NFIX: variants seen among roughly 807,000 people sequenced by gnomAD.
NFIX encodes nuclear factor I X.
Under a neutral mutation model 53.3 loss-of-function variants are expected in NFIX, and 2 were observed. That is an observed-to-expected ratio of 0.04 (90% CI 0.02 to 0.12). NFIX has a LOEUF of 0.12. NFIX is among the 10% of genes least tolerant of loss of function. The pLI is 1.00. For synonymous variants in NFIX, 244 were observed against 289.0 expected (o/e 0.84, Z 1.58); for missense variants, 310 against 674.5 (o/e 0.46, Z 5.99).
rs1313639121 is a variant in NFIX, at chr19:13,095,716, C to G, written c.*1067C>G. 1 of 152,394 alleles carries G rather than the reference C, an allele frequency of 6.6e-6. No individual in the cohort carries two copies. The highest frequency in any genetic ancestry group is 1.5e-5 in the Non-Finnish European group (1 of 68,078). 9.4% of individuals were successfully genotyped at this position (152,394 alleles called of 1,614,324 possible). On this transcript the variant is annotated 3_prime_UTR_variant, in exon 11 of 11. Coordinates refer to ENST00000592199, the MANE Select transcript of NFIX (RefSeq NM_001365902.3). Reference sequence around the variant, plus strand: ...CAGCCGCCGCTGCCGCGCTAAGCCACCACCTGCGCTTAGGTAGGCGTCCTG... The same window carrying G: ...CAGCCGCCGCTGCCGCGCTAAGCCAGCACCTGCGCTTAGGTAGGCGTCCTG...
chr19:13,055,768 C>T (rs762318340), intron 2 of NFIX, among the ~76,000 whole-genome samples: 3 of 152,192 alleles, frequency 2.0e-5, no homozygotes, highest in African/African-American at 7.2e-5. Flanking sequence ...CCAGCCTCTC[C>T]TCTGGGTCCT....
intron 2 of NFIX, among the ~76,000 whole-genome samples, chr19:13,061,310 C>T (rs2016072973): frequency 6.6e-6 from 1 of 152,230 alleles, no homozygotes. Context: ...AAACTCGGCC[C>T]TCATATCACG....
In NFIX at chr19:13,025,747, A is replaced by G. The variant is rs944486612; in HGVS notation, c.559+195A>G. ...TCTTCTGTCTCCCCCGACCTGTTCT[A>G]TTCTTCCTCCTCTGCCCCCTGGCCA... On this transcript the variant is annotated intron_variant, in intron 2 of 10. Coordinates refer to ENST00000592199, the MANE Select transcript of NFIX (RefSeq NM_001365902.3). This position sits in a 1 kb window ranked among gnomAD's most constrained non-coding sequence, Gnocchi z 7.5. Among the ~76,000 whole-genome samples the G allele has an allele frequency of 6.6e-6, 1 of 151,754 alleles. No individual in the cohort carries two copies. The highest frequency in any genetic ancestry group is 1.5e-5 in the Non-Finnish European group (1 of 67,968).
intron 8 of NFIX, 67 bp from the exon 9 acceptor site, chr19:13,087,922 C>A: frequency 6.6e-7 from 1 of 1,524,954 alleles, no homozygotes; most frequent in Non-Finnish European, 8.8e-7. Context: ...CTGGCGCGGC[C>A]GCGCAGGGGA....
rs987722848 is a variant in NFIX at position 13,088,725 on chromosome 19, C to G, written c.1402+589C>G. On this transcript the variant is annotated intron_variant, in intron 9 of 10. Coordinates refer to ENST00000592199, the MANE Select transcript of NFIX (RefSeq NM_001365902.3). This position sits in a 1 kb window ranked among gnomAD's most constrained non-coding sequence, Gnocchi z 5.9. ...CGTTGTTCCTCTTTTTTTTTCCCCCCCTTCCATCCCTCTCCCGTCCCTTCT... is the reference window on the plus strand; with the variant it reads ...CGTTGTTCCTCTTTTTTTTTCCCCCGCTTCCATCCCTCTCCCGTCCCTTCT... Among the ~76,000 whole-genome samples the G allele has an allele frequency of 1.1e-4, 16 of 151,942 alleles. No homozygotes were observed. The highest frequency in any genetic ancestry group is 1.3e-4 in the Non-Finnish European group (9 of 67,972).
chr19:13,023,066 CTCTT>C (rs1477692490), intron 1 of NFIX, among the ~76,000 whole-genome samples: 3 of 112,328 alleles, frequency 2.7e-5, no homozygotes, highest in Non-Finnish European at 5.7e-5. Flanking sequence ...ATCCTTCTCT[CTCTT>C]TCTCTCTCTC....
chr19:13,069,750 T>C (rs2016658310), intron 2 of NFIX: 1 of 152,340 alleles, frequency 6.6e-6, no homozygotes, highest in Non-Finnish European at 1.5e-5. Flanking sequence ...GTGGGCAGTG[T>C]GCGGGGCCTG....
intron 5 of NFIX, among the ~76,000 whole-genome samples, chr19:13,074,858 A>G (rs532763029): frequency 1.3e-5 from 2 of 152,022 alleles, no homozygotes; most frequent in East Asian, 3.9e-4. Context: ...TCACGAGGTC[A>G]GGAGATTGAG....
At chr19:13,007,730 G>A (rs1473946779) in intron 1 of NFIX, among the ~76,000 whole-genome samples, 2 of 109,938 alleles carry the variant, frequency 1.8e-5, no homozygotes, top group Admixed American at 1.2e-4. Context: ...CCCGCTGCCC[G>A]CGCCTCTCTC....
intron 2 of NFIX, among the ~76,000 whole-genome samples, chr19:13,058,826 G>T (rs182677492): frequency 7.6e-4 from 116 of 152,218 alleles, no homozygotes; most frequent in African/African-American, 2.7e-3. Context: ...GGCCAGACAG[G>T]CAAGGTGGGG....
In NFIX at chr19:13,066,333, A is replaced by G. The variant is rs1451161471; in HGVS notation, c.560-6714A>G. On this transcript the variant is annotated intron_variant, in intron 2 of 10. Transcript: ENST00000592199. This position sits in a 1 kb window ranked among gnomAD's most constrained non-coding sequence, Gnocchi z 4.2. ...TCCAGATGCTGGCCCTTCATCTGCCAGGTTCCTGTGCCTTCCCTACCCCCC... is the reference window on the plus strand; with the variant it reads ...TCCAGATGCTGGCCCTTCATCTGCCGGGTTCCTGTGCCTTCCCTACCCCCC... Among the ~76,000 whole-genome samples, 1 of 152,106 alleles carries G rather than the reference A, an allele frequency of 6.6e-6. No individual in the cohort carries two copies. Among genetic ancestry groups the G allele is most frequent in the African/African-American group, 2.4e-5 (1 of 41,390 alleles).
At chr19:13,083,706 G>T (rs1031883186) in intron 8 of NFIX, among the ~76,000 whole-genome samples, 4 of 142,138 alleles carry the variant, frequency 2.8e-5, no homozygotes, top group African/African-American at 7.9e-5. Flanking sequence ...GAGTTTCCTT[G>T]TGTGGCCTGT....
rs776779422 is a variant in NFIX at position 13,078,209 on chromosome 19, C to T, written c.956-404C>T. ...TAGACCCCAGCCTGTCCCTCCCAAA[C>T]TTACCCCTTCCCGGCTCTCAAGCTG... On this transcript the variant is annotated intron_variant, in intron 6 of 10. Transcript: ENST00000592199. This position sits in a 1 kb window ranked among gnomAD's most constrained non-coding sequence, Gnocchi z 4.7. Among the ~76,000 whole-genome samples the T allele has an allele frequency of 1.3e-5, 2 of 152,212 alleles. No homozygotes were observed. Among genetic ancestry groups the T allele is most frequent in the African/African-American group, 2.4e-5 (1 of 41,464 alleles).
rs888753771 is a variant in NFIX, at chr19:13,094,820, G to A, written c.*171G>A. The A allele has an allele frequency of 5.9e-6, 4 of 675,512 alleles. No individual in the cohort carries two copies. In the Admixed American group the frequency reaches 1.1e-4, roughly 18 times the overall value. 41.8% of individuals were successfully genotyped at this position (675,512 alleles called of 1,614,324 possible). On this transcript the variant is annotated 3_prime_UTR_variant, in exon 11 of 11. Coordinates refer to ENST00000592199, the MANE Select transcript of NFIX (RefSeq NM_001365902.3). This position sits in a 1 kb window ranked among gnomAD's most constrained non-coding sequence, Gnocchi z 4.3. ...TCTCCTCCAGCCCGGGGACCCCCGC[G>A]GGCCCCAGAAGCAGCCCAGTTCTCA...
chr19:13,024,554 C>T (rs1040724401), intron 1 of NFIX: 4 of 1,530,648 alleles, frequency 2.6e-6, no homozygotes, highest in African/African-American at 1.4e-5. Context: ...CGCACGCCCC[C>T]GCGTGTGCGT....
At position 13,067,758 on chromosome 19, in the gene NFIX, A is replaced by G. The variant is rs116239500; in HGVS notation, c.560-5289A>G. 2.6e-3 allele frequency among the ~76,000 whole-genome samples: 402 copies of G among 152,124 alleles called. 6 individuals carry two copies. Among genetic ancestry groups the G allele is most frequent in the African/African-American group, 9.4e-3 (391 of 41,478 alleles). On this transcript the variant is annotated intron_variant, in intron 2 of 10. Coordinates refer to ENST00000592199, the MANE Select transcript of NFIX (RefSeq NM_001365902.3). This position sits in a 1 kb window ranked among gnomAD's most constrained non-coding sequence, Gnocchi z 4.2. ...CCAGCAGGAATTCCTCCCTCACCCT[A>G]GTGGGAGCCATAACTACCTCCCCAT...
intron 2 of NFIX, among the ~76,000 whole-genome samples, chr19:13,041,832 C>T (rs996230997): frequency 3.3e-5 from 5 of 151,214 alleles, no homozygotes; most frequent in African/African-American, 1.2e-4. Context: ...GTGTATTCTA[C>T]TATGTCGCTA....
intron 6 of NFIX, among the ~76,000 whole-genome samples, chr19:13,077,646 C>G (rs376293042): frequency 2.0e-5 from 3 of 152,184 alleles, no homozygotes; most frequent in Non-Finnish European, 2.9e-5. Context: ...CCACCCCTCA[C>G]CCAAACTGAC....
Position 13,008,513 on chromosome 19 carries a change from A to C in NFIX, c.27+12649A>C, listed in dbSNP as rs573737922. Among the ~76,000 whole-genome samples the C allele has an allele frequency of 2.0e-5, 3 of 152,008 alleles. No homozygotes were observed. In the East Asian group the frequency reaches 5.8e-4, roughly 30 times the overall value. On this transcript the variant is annotated intron_variant, in intron 1 of 10. Coordinates refer to ENST00000592199, the MANE Select transcript of NFIX (RefSeq NM_001365902.3). Reference sequence around the variant, plus strand: ...CCCGGGAGGAGCCCATGCTGACGTTACTCGCTTGCTCCAATCTTCCCGTCT... The same window carrying C: ...CCCGGGAGGAGCCCATGCTGACGTTCCTCGCTTGCTCCAATCTTCCCGTCT...
Sources: allele counts gnomAD v4.1 joint callset (sites outside exome capture counted in the v4.1 genomes callset), GRCh38; gene constraint gnomAD v4.1.1; non-coding constraint Gnocchi (gnomAD v3.1); transcripts MANE v1.5; gene names NCBI Gene and HGNC (gene_info 2026-07-23, HGNC 2026-07-21).